The following FARP1 variants were observed in gnomAD, a reference collection of about 807,000 sequenced individuals.
FARP1 encodes the protein FERM, ARH/RhoGEF and pleckstrin domain protein 1.
A neutral mutation model predicts 128.8 loss-of-function variants in FARP1; 52 were observed. The observed-to-expected ratio is 0.40, with a 90% CI of 0.32 to 0.51. FARP1 has a LOEUF of 0.51. Among genes scored for constraint, FARP1 ranks in the 20% least tolerant of loss-of-function variants. The probability of loss-of-function intolerance (pLI) is 0.45; values close to 1 mark genes in which losing one functional copy is unlikely to be tolerated. For synonymous variants in FARP1, 580 were observed against 551.8 expected (o/e 1.05, Z -0.72); for missense variants, 1,333 against 1,367.9 (o/e 0.97, Z 0.40).
intron 2 of FARP1, among the ~76,000 whole-genome samples, chr13:98,293,599 A>G (rs551492074): frequency 6.6e-6 from 1 of 152,310 alleles, no homozygotes; most frequent in East Asian, 1.9e-4. Context: ...ACTGTCAACA[A>G]TATGTAAAAT....
At chr13:98,346,851 CTCTT>C (rs1888199084) in intron 3 of FARP1, among the ~76,000 whole-genome samples, 3 of 152,194 alleles carry the variant, frequency 2.0e-5, no homozygotes, top group Admixed American at 1.3e-4. Flanking sequence ...TGTGTTCTCT[CTCTT>C]GATCTGGATG....
At chr13:98,351,341 G>A (rs1349467911) in intron 3 of FARP1, among the ~76,000 whole-genome samples, 4 of 152,098 alleles carry the variant, frequency 2.6e-5, no homozygotes, top group South Asian at 2.1e-4. Flanking sequence ...GGCCGGGCGC[G>A]GTGGCTCACG....
chr13:98,153,525 A>G (rs1876250114), intron 1 of FARP1, among the ~76,000 whole-genome samples: 2 of 100,410 alleles, frequency 2.0e-5, no homozygotes, highest in African/African-American at 3.3e-5. Flanking sequence ...ATATTTATAT[A>G]TATATTATAT....
chr13:98,289,662 G>T (rs1357512732), intron 2 of FARP1, among the ~76,000 whole-genome samples: 3 of 152,140 alleles, frequency 2.0e-5, no homozygotes, highest in Non-Finnish European at 2.9e-5. Context: ...TCAGAGCCCT[G>T]CAGGACCCCT....
intron 11 of FARP1, 116 bp from the exon 12 acceptor site, chr13:98,393,527 C>T: frequency 1.3e-6 from 1 of 748,854 alleles, no homozygotes; most frequent in Non-Finnish European, 2.3e-6. Context: ...TGGGTACCAT[C>T]ATTATTGAGG....
At position 98,451,063 on chromosome 13, in the gene FARP1, T is replaced by C. The variant is rs7983438; in HGVS notation, c.*2746T>C. On this transcript the variant is annotated 3_prime_UTR_variant, in exon 27 of 27. Coordinates refer to ENST00000319562, the MANE Select transcript of FARP1 (RefSeq NM_005766.4). ...ACTCCCCGTTCATACCAGTATTCATTAGAACCCAGTCCCTCGAGCGGCTCA... is the reference window on the plus strand; with the variant it reads ...ACTCCCCGTTCATACCAGTATTCATCAGAACCCAGTCCCTCGAGCGGCTCA... 39,608 of 152,096 alleles carry C rather than the reference T, an allele frequency of 0.26. 5,316 individuals are homozygous for C. Among genetic ancestry groups the C allele is most frequent in the Non-Finnish European group, 0.3 (20,516 of 67,988 alleles). The allele number at this position is 152,096 out of a possible 1,614,324, so 9.4% of individuals were successfully genotyped here. A position where few individuals can be genotyped will look rare whatever the true frequency, so the allele number is the denominator to read the frequency against.
At chr13:98,144,506 T>C (rs582837) in intron 1 of FARP1, among the ~76,000 whole-genome samples, 137,831 of 152,170 alleles carry the variant, frequency 0.91, 62,689 homozygotes, top group East Asian at 1. Flanking sequence ...TTGTTAAGGC[T>C]CTTCTCCTTG....
chr13:98,345,626 C>T (rs1359760101), intron 3 of FARP1: 3 of 151,872 alleles, frequency 2.0e-5, no homozygotes, highest in East Asian at 1.9e-4. Context: ...AAGTGTTTGT[C>T]ACATGTCACA....
At chr13:98,200,394 C>CG (rs1045783657) in intron 1 of FARP1, among the ~76,000 whole-genome samples, 2 of 147,014 alleles carry the variant, frequency 1.4e-5, no homozygotes, top group African/African-American at 2.5e-5. Flanking sequence ...TTCACCCCCC[C>CG]CCCCTCCCCT....
At chr13:98,352,867 T>G (rs2170241) in intron 3 of FARP1, among the ~76,000 whole-genome samples, 82,350 of 151,892 alleles carry the variant, frequency 0.54, 22,391 homozygotes, top group Non-Finnish European at 0.56. Flanking sequence ...AAGAAAGAGA[T>G]GGAAGAGGAA....
chr13:98,388,814 G>C (rs1273884093), intron 9 of FARP1, among the ~76,000 whole-genome samples: 1 of 152,204 alleles, frequency 6.6e-6, no homozygotes, highest in Non-Finnish European at 1.5e-5. Context: ...GCTACACCTG[G>C]AGACCCCATT....
At chr13:98,204,481 T>A (rs755042806) in intron 1 of FARP1, among the ~76,000 whole-genome samples, 1 of 152,258 alleles carries the variant, frequency 6.6e-6, no homozygotes, top group African/African-American at 2.4e-5. Context: ...TCAGGCATTA[T>A]ATAATATTCT....
At chr13:98,426,256 G>C (rs1891783533) in intron 17 of FARP1, among the ~76,000 whole-genome samples, 1 of 152,198 alleles carries the variant, frequency 6.6e-6, no homozygotes, top group African/African-American at 2.4e-5. Context: ...GGGAGGCTAA[G>C]GTGGGAGGAT....
intron 24 of FARP1, among the ~76,000 whole-genome samples, chr13:98,444,226 T>C (rs1476416832): frequency 6.6e-6 from 1 of 152,074 alleles, no homozygotes; most frequent in African/African-American, 2.4e-5. Context: ...GTGCTGGGCT[T>C]AGGGCTCGTC....
chr13:98,177,372 C>G, intron 1 of FARP1: 3 of 651,106 alleles, frequency 4.6e-6, no homozygotes, highest in Non-Finnish European at 7.5e-6. Flanking sequence ...CTAGGCCAGG[C>G]GCGGTGACTC....
chr13:98,142,939 C>CGGGCGGAGCGGAGCG (rs1566655393), upstream of FARP1, among the ~76,000 whole-genome samples: 25 of 150,496 alleles, frequency 1.7e-4, no homozygotes. Flanking sequence ...CGCACCTGCC[C>CGGGCGGAGCGGAGCG]GGGCGGAGCG....
At chr13:98,409,548 G>GCGTGTGTGGCTGTGTGTGCA (rs1891112315) in intron 14 of FARP1, 23 bp downstream of exon 14, 1 of 1,568,652 alleles carries the variant, frequency 6.4e-7, no homozygotes, top group Admixed American at 1.8e-5. Context: ...GGGCTCAAGC[G>GCGTGTGTGGCTGTGTGTGCA]CGTGTGTGGC....
At chr13:98,438,254 GA>G (rs1892368366) in intron 19 of FARP1, among the ~76,000 whole-genome samples, 3 of 152,166 alleles carry the variant, frequency 2.0e-5, no homozygotes, top group Admixed American at 2.0e-4. Flanking sequence ...TGCTCATTGA[GA>G]AGCAGGGTTT....
chr13:98,382,780 T>G (rs1166633033), intron 6 of FARP1, among the ~76,000 whole-genome samples: 1 of 152,158 alleles, frequency 6.6e-6, no homozygotes, highest in Non-Finnish European at 1.5e-5. Flanking sequence ...CATGGTCTAT[T>G]TAGTGCCACG....
Sources: gnomAD v4.1 joint callset for allele counts (sites outside exome capture counted in the v4.1 genomes callset) on GRCh38, gnomAD v4.1.1 for gene constraint, MANE v1.5 for transcripts, NCBI Gene and HGNC (gene_info 2026-07-23, HGNC 2026-07-21) for gene names.